MS4A6E: variants seen among roughly 807,000 people sequenced by gnomAD.
The protein encoded by MS4A6E is membrane spanning 4-domains A6E, also known as membrane-spanning 4-domains subfamily A member 6E.
In MS4A6E, 8 loss-of-function variants were observed where a neutral mutation model predicts 13.2. The observed-to-expected ratio is 0.60, with a 90% CI of 0.35 to 1.09. The LOEUF (loss-of-function observed/expected upper bound fraction) is 1.09. MS4A6E is among the 50% of genes least tolerant of loss of function. MS4A6E has a pLI of 0.02. For synonymous variants in MS4A6E, 72 were observed against 67.6 expected, an observed-to-expected ratio of 1.06 and a Z score of -0.32; for missense variants, 177 against 171.1, an observed-to-expected ratio of 1.03 and a Z score of -0.19.
downstream of MS4A6E, among the ~76,000 whole-genome samples, chr11:60,342,178 TGA>T (rs759102438): frequency 0.11 from 2,908 of 27,270 alleles, 63 homozygotes; most frequent in Non-Finnish European, 0.15. Flanking sequence ...TGTGTGTGTG[TGA>T]GAGAGAGAGA....
At chr11:60,336,964 G>A (rs1029732435) in intron 2 of MS4A6E, among the ~76,000 whole-genome samples, 1 of 152,130 alleles carries the variant, frequency 6.6e-6, no homozygotes, top group Non-Finnish European at 1.5e-5. Context: ...AGTACCCAAG[G>A]GAACAAGCTG....
Position 60,336,602 on chromosome 11 carries a change from T to C in MS4A6E, c.148-1139T>C, listed in dbSNP as rs551780954. Among the ~76,000 whole-genome samples the C allele has an allele frequency of 8.5e-5, 13 of 152,274 alleles. 1 individual carries two copies. In the East Asian group the frequency reaches 2.5e-3, roughly 29 times the overall value. On this transcript the variant is annotated intron_variant, in intron 2 of 4. Transcript: ENST00000684409. Reference sequence around the variant, plus strand: ...GTGCCATCTCAAGACAAATCTAGCTTATTCTAAGAAATATAGACTCTAGGC... The same window carrying C: ...GTGCCATCTCAAGACAAATCTAGCTCATTCTAAGAAATATAGACTCTAGGC...
At chr11:60,346,936 C>T (rs11601834) in intron 4 of MS4A6E, among the ~76,000 whole-genome samples, 55,492 of 152,102 alleles carry the variant, frequency 0.36, 10,451 homozygotes, top group Middle Eastern at 0.61. Context: ...AGTTAAAGTT[C>T]GGAAAGCTTC....
chr11:60,332,805 G>A (rs2085165076), intron 1 of MS4A6E, among the ~76,000 whole-genome samples: 2 of 152,122 alleles, frequency 1.3e-5, no homozygotes, highest in African/African-American at 4.8e-5. Context: ...ATATATGTAA[G>A]ACACAAAGAG....
downstream of MS4A6E, among the ~76,000 whole-genome samples, chr11:60,345,181 G>A (rs985496418): frequency 3.3e-5 from 5 of 152,012 alleles, no homozygotes; most frequent in East Asian, 1.9e-4. Context: ...TGATCCACCC[G>A]CCTCGGCCTC....
chr11:60,328,134 C>T (rs1284651771), intron 1 of MS4A6E, among the ~76,000 whole-genome samples: 2 of 150,498 alleles, frequency 1.3e-5, no homozygotes, highest in Non-Finnish European at 2.9e-5. Flanking sequence ...TTGTGGAAGG[C>T]AGAACTTAAA....
chr11:60,346,825 C>G (rs950051507), intron 4 of MS4A6E, among the ~76,000 whole-genome samples: 4 of 152,180 alleles, frequency 2.6e-5, no homozygotes, highest in African/African-American at 9.7e-5. Flanking sequence ...TTGTTCATCT[C>G]CAAATTTCTC....
At chr11:60,343,943 C>G (rs1358435120), downstream of MS4A6E, among the ~76,000 whole-genome samples, 3 of 151,950 alleles carry the variant, frequency 2.0e-5, no homozygotes, top group African/African-American at 7.2e-5. Flanking sequence ...AGCTTGGGGT[C>G]AGGAAGAGAG....
At chr11:60,332,366 TC>T (rs1323910083) in intron 1 of MS4A6E, among the ~76,000 whole-genome samples, 1 of 152,214 alleles carries the variant, frequency 6.6e-6, no homozygotes, top group Non-Finnish European at 1.5e-5. Flanking sequence ...GATAAATTGA[TC>T]CTAATTATGT....
chr11:60,343,296 C>G (rs2085240157), downstream of MS4A6E, among the ~76,000 whole-genome samples: 1 of 152,130 alleles, frequency 6.6e-6, no homozygotes, highest in Non-Finnish European at 1.5e-5. Flanking sequence ...TTTGCCTCCA[C>G]CAGGTGTCGC....
chr11:60,347,182 T>C (rs2085260180), intron 4 of MS4A6E, among the ~76,000 whole-genome samples: 1 of 152,296 alleles, frequency 6.6e-6, no homozygotes, highest in South Asian at 2.1e-4. Flanking sequence ...AGACACTCAG[T>C]AGCTGTCTCA....
At chr11:60,329,070 T>G (rs1295643271) in intron 1 of MS4A6E, among the ~76,000 whole-genome samples, 2 of 152,198 alleles carry the variant, frequency 1.3e-5, no homozygotes, top group African/African-American at 4.8e-5. Context: ...GGTATACACG[T>G]GCCATGGTGG....
At chr11:60,331,643 C>T (rs2085156474) in intron 1 of MS4A6E, among the ~76,000 whole-genome samples, 1 of 152,118 alleles carries the variant, frequency 6.6e-6, no homozygotes, top group African/African-American at 2.4e-5. Flanking sequence ...TAAGGATGAA[C>T]ATAATAACAG....
intron 4 of MS4A6E, among the ~76,000 whole-genome samples, chr11:60,349,032 G>A (rs1041263951): frequency 6.6e-6 from 1 of 151,862 alleles, no homozygotes; most frequent in Non-Finnish European, 1.5e-5. Flanking sequence ...GGGTGGGGGT[G>A]GATAAAAAAG....
chr11:60,327,461 A>T (rs2085126971), intron 1 of MS4A6E, among the ~76,000 whole-genome samples, 53 bp downstream of exon 1: 2 of 152,234 alleles, frequency 1.3e-5, no homozygotes, highest in Admixed American at 6.5e-5. Flanking sequence ...GTATTCTGTT[A>T]TAGCAGCACA....
chr11:60,335,750 G>A (rs2085185025), intron 2 of MS4A6E: 8 of 333,046 alleles, frequency 2.4e-5, no homozygotes, highest in South Asian at 1.9e-4. Flanking sequence ...GTGACAAAAG[G>A]TCTAGGAAAC....
Position 60,335,014 on chromosome 11 carries a change from G to A in MS4A6E, c.119G>A (p.Arg40His), listed in dbSNP as rs749700845. The change falls in exon 2 of 5, where the codon CGT (arginine) becomes CAT (histidine). Residue 40 changes from arginine (R) to histidine (H), a missense_variant. Arg to His is a conservative substitution (Grantham distance 29). Coordinates refer to ENST00000684409, the MANE Select transcript of MS4A6E (RefSeq NM_139249.4). The part of the protein sequence containing the change: ...TNQGQDSLKK[R>H]LQAKVKVIGV... ...CAGGGGCAGGATAGCCTGAAGAAACGTCTACAGGCAAAAGTCAAAGTTATT... is the reference window on the plus strand; with the variant it reads ...CAGGGGCAGGATAGCCTGAAGAAACATCTACAGGCAAAAGTCAAAGTTATT... 3.3e-5 allele frequency: 53 copies of A among 1,613,982 alleles called. No homozygotes were observed. In the Middle Eastern group the frequency reaches 2.1e-3, roughly 65 times the overall value.
At chr11:60,344,048 C>T (rs901717321), downstream of MS4A6E, among the ~76,000 whole-genome samples, 1 of 152,120 alleles carries the variant, frequency 6.6e-6, no homozygotes, top group Admixed American at 6.5e-5. Context: ...TGTGTTAATT[C>T]CTGCTGGAAG....
intron 4 of MS4A6E, among the ~76,000 whole-genome samples, chr11:60,340,232 C>A (rs895077463): frequency 4.6e-5 from 7 of 152,182 alleles, no homozygotes. Context: ...GGGAATGAGA[C>A]TCTGGGAAGT....
Sources: gnomAD v4.1 joint callset for allele counts (sites outside exome capture counted in the v4.1 genomes callset) on GRCh38, gnomAD v4.1.1 for gene constraint, MANE v1.5 for transcripts, NCBI Gene and HGNC (gene_info 2026-07-23, HGNC 2026-07-21) for gene names.